The following ADGRL3 variants were observed in gnomAD, a reference collection of about 807,000 sequenced individuals.
The protein encoded by ADGRL3 is adhesion G protein-coupled receptor L3.
A neutral mutation model predicts 153.5 loss-of-function variants in ADGRL3; 62 were observed. That is an observed-to-expected ratio of 0.40 (90% CI 0.33 to 0.50). The LOEUF is 0.50. Ranked by LOEUF, ADGRL3 falls within the 20% of genes least tolerant of loss-of-function variation. The pLI is 0.47. For missense variants in ADGRL3, 1,641 were observed against 1,859.4 expected (o/e 0.88, Z 2.16); for synonymous variants, 710 against 672.5 (o/e 1.06, Z -0.86).
chr4:61,497,277 T>G lies in ADGRL3; in HGVS notation c.-17T>G. 6.4e-7 allele frequency: 1 copy of G among 1,553,972 alleles called. No individual in the cohort carries two copies. Among genetic ancestry groups the G allele is most frequent in the Non-Finnish European group, 8.8e-7 (1 of 1,131,762 alleles). ...ACAGTCATTCTTGAGGAATACTCCA[T>G]ACCTGAGTAGACAGCCATGTGGCCA... On this transcript the variant is annotated 5_prime_UTR_variant, in exon 3 of 27. Coordinates refer to ENST00000683033, the MANE Select transcript of ADGRL3 (RefSeq NM_001387552.1).
At chr4:61,855,392 G>A (rs1025671080) in intron 9 of ADGRL3, among the ~76,000 whole-genome samples, 2 of 152,048 alleles carry the variant, frequency 1.3e-5, no homozygotes, top group African/African-American at 4.8e-5. Context: ...CTATTTTCTG[G>A]AAGCAGTCAA....
intron 3 of ADGRL3, among the ~76,000 whole-genome samples, chr4:61,514,399 A>G (rs1353263337): frequency 6.6e-6 from 1 of 152,204 alleles, no homozygotes; most frequent in Non-Finnish European, 1.5e-5. Flanking sequence ...TGTGCTGTTT[A>G]TCTTGAAGAC....
At chr4:61,964,720 G>T (rs1203314777) in intron 17 of ADGRL3, among the ~76,000 whole-genome samples, 2 of 151,932 alleles carry the variant, frequency 1.3e-5, no homozygotes, top group Non-Finnish European at 2.9e-5. Context: ...TTAGTGAAAT[G>T]ATTTTAGCAT....
intron 1 of ADGRL3, among the ~76,000 whole-genome samples, chr4:61,288,870 A>G (rs1366121897): frequency 6.6e-6 from 1 of 151,984 alleles, no homozygotes; most frequent in Non-Finnish European, 1.5e-5. Context: ...GTGCCATTTT[A>G]GTCAAATATT....
At chr4:61,671,651 A>T (rs2095005051) in intron 5 of ADGRL3, among the ~76,000 whole-genome samples, 1 of 152,152 alleles carries the variant, frequency 6.6e-6, no homozygotes, top group African/African-American at 2.4e-5. Flanking sequence ...GGGCCTGGTT[A>T]TATAATGCCT....
chr4:61,368,934 A>C (rs2151655476), intron 1 of ADGRL3, among the ~76,000 whole-genome samples: 1 of 152,250 alleles, frequency 6.6e-6, no homozygotes, highest in Admixed American at 6.5e-5. Flanking sequence ...GTCCTTGAAG[A>C]GGTCCTTCAC....
chr4:61,800,285 C>T (rs1253849560), intron 8 of ADGRL3, among the ~76,000 whole-genome samples: 3 of 151,906 alleles, frequency 2.0e-5, no homozygotes, highest in African/African-American at 7.3e-5. Context: ...TGAATATATA[C>T]ATATATAATA....
chr4:61,550,557 G>T (rs895464036), intron 4 of ADGRL3, among the ~76,000 whole-genome samples: 2 of 151,828 alleles, frequency 1.3e-5, no homozygotes, highest in African/African-American at 4.8e-5. Flanking sequence ...TAACCTTTGT[G>T]GGTTCATTTT....
At chr4:61,657,475 C>G (rs1342220675) in intron 5 of ADGRL3, among the ~76,000 whole-genome samples, 1 of 151,886 alleles carries the variant, frequency 6.6e-6, no homozygotes, top group Admixed American at 6.6e-5. Flanking sequence ...TAACTCAAAT[C>G]AATATCTGAG....
At chr4:62,057,672 T>C (rs1357096361) in intron 25 of ADGRL3, among the ~76,000 whole-genome samples, 7 of 152,162 alleles carry the variant, frequency 4.6e-5, no homozygotes, top group African/African-American at 1.7e-4. Context: ...TATATTGTTT[T>C]TCTTTATTAT....
intron 2 of ADGRL3, among the ~76,000 whole-genome samples, chr4:61,400,286 A>C (rs2096914491): frequency 6.6e-6 from 1 of 151,484 alleles, no homozygotes; most frequent in East Asian, 1.9e-4. Context: ...AAAATGTCAC[A>C]GTTTCATTTA....
At chr4:61,874,787 CTCTTTTTTTT>C (rs753486465) in intron 9 of ADGRL3, among the ~76,000 whole-genome samples, 18,497 of 87,802 alleles carry the variant, frequency 0.21, 2,479 homozygotes, top group East Asian at 0.29. Flanking sequence ...CATCAAAATG[CTCTTTTTTTT>C]TTTTTTTTTT....
intron 17 of ADGRL3, among the ~76,000 whole-genome samples, chr4:61,975,431 G>A (rs996676049): frequency 3.3e-5 from 5 of 152,166 alleles, no homozygotes; most frequent in African/African-American, 1.2e-4. Flanking sequence ...GTCAATGGAA[G>A]TGGAATGAAC....
At chr4:61,997,990 T>C (rs918513754) in intron 20 of ADGRL3, among the ~76,000 whole-genome samples, 184 bp from the exon 21 acceptor site, 4 of 152,204 alleles carry the variant, frequency 2.6e-5, no homozygotes, top group Non-Finnish European at 5.9e-5. Flanking sequence ...AACTCAGTAG[T>C]ATCCCAATTC....
intron 2 of ADGRL3, among the ~76,000 whole-genome samples, chr4:61,389,589 C>CTT (rs563580602): frequency 1.3e-5 from 2 of 150,604 alleles, no homozygotes; most frequent in African/African-American, 4.9e-5. Context: ...TTTTTTACCC[C>CTT]TTTTTTTTAT....
In ADGRL3 at chr4:61,710,495, G is replaced by A. The variant is rs148783945; in HGVS notation, c.584-20127G>A. On this transcript the variant is annotated intron_variant, in intron 6 of 26. Coordinates refer to ENST00000683033, the MANE Select transcript of ADGRL3 (RefSeq NM_001387552.1). ...CTTTTACCTGAATAATGGATCCACA[G>A]GTCCTTATGCCCAAGTGGCAAACCA... is the stretch of plus-strand genomic sequence containing the variant. 1.2e-4 allele frequency among the ~76,000 whole-genome samples: 19 copies of A among 152,222 alleles called. No homozygotes were observed. The East Asian group carries it at 3.5e-3, about 28-fold the overall frequency.
intron 2 of ADGRL3, among the ~76,000 whole-genome samples, chr4:61,431,621 A>C (rs2097356693): frequency 6.6e-6 from 1 of 152,200 alleles, no homozygotes; most frequent in Non-Finnish European, 1.5e-5. Flanking sequence ...GGAATGTAAC[A>C]AATTTCTGGT....
At chr4:61,987,291 G>C (rs567995072) in intron 19 of ADGRL3, among the ~76,000 whole-genome samples, 4 of 151,422 alleles carry the variant, frequency 2.6e-5, no homozygotes, top group South Asian at 2.1e-4. Context: ...TCAGCCTCCC[G>C]AGCAGCCGAG....
intron 1 of ADGRL3, among the ~76,000 whole-genome samples, chr4:61,350,184 T>C (rs2151300489): frequency 6.6e-6 from 1 of 152,252 alleles, no homozygotes; most frequent in South Asian, 2.1e-4. Flanking sequence ...GAAATCTTGA[T>C]ATCCTTGAGC....
Sources: gnomAD v4.1 joint callset for allele counts (sites outside exome capture counted in the v4.1 genomes callset) on GRCh38, gnomAD v4.1.1 for gene constraint, MANE v1.5 for transcripts, NCBI Gene and HGNC (gene_info 2026-07-23, HGNC 2026-07-21) for gene names.